The following MICU3 variants were observed in gnomAD, a reference collection of about 807,000 sequenced individuals.
The protein encoded by MICU3 is mitochondrial calcium uptake 3.
In MICU3, 62 loss-of-function variants were observed where a neutral mutation model predicts 66.5. That is an observed-to-expected ratio of 0.93 (90% CI 0.76 to 1.15). MICU3 has a LOEUF of 1.15. Ranked by LOEUF, MICU3 falls within the 50% of genes most tolerant of loss-of-function variation. The probability of loss-of-function intolerance (pLI) is 0.00; values close to 1 mark genes in which losing one functional copy is unlikely to be tolerated. For missense variants in MICU3, 779 were observed against 664.4 expected, an observed-to-expected ratio of 1.17 and a Z score of -1.90; for synonymous variants, 308 against 240.7, an observed-to-expected ratio of 1.28 and a Z score of -2.59.
chr8:17,112,018 T>C (rs2150827650), intron 11 of MICU3, among the ~76,000 whole-genome samples: 1 of 152,166 alleles, frequency 6.6e-6, no homozygotes. Context: ...TATAAGACCA[T>C]CAGATCTCAT....
At position 17,085,278 on chromosome 8, in the gene MICU3, C is replaced by T; in HGVS notation, c.737C>T (p.Thr246Ile). The T allele has an allele frequency of 6.2e-7, 1 of 1,611,160 alleles. No individual in the cohort carries two copies. The highest frequency in any genetic ancestry group is 2.2e-5 in the East Asian group (1 of 44,720). ...GFRIAFNMFD[T>I]DGNEMVDKKE... ...AGAATAGCTTTCAACATGTTTGACA[C>T]TGATGGCAATGAGATGGTGGATAAA... Residue 246 changes from threonine (T) to isoleucine (I), a missense_variant, in exon 6 of 15, where the codon ACT becomes ATT. Coordinates refer to ENST00000318063, the MANE Select transcript of MICU3 (RefSeq NM_181723.3).
At chr8:17,128,086 G>A in the MICU3 span, among the ~76,000 whole-genome samples, 23 of 152,088 alleles carry the variant, frequency 1.5e-4, no homozygotes, top group Admixed American at 1.1e-3. Context: ...GGAGAGGAGA[G>A]ATTGCCCTGA....
At chr8:17,074,603 G>A (rs868655808) in intron 3 of MICU3, among the ~76,000 whole-genome samples, 11,181 of 150,724 alleles carry the variant, frequency 0.074, 1,426 homozygotes, top group African/African-American at 0.26. Flanking sequence ...GTGTGTGTGT[G>A]TGTGTGTGTG....
At chr8:17,075,334 C>T (rs1820219254) in intron 3 of MICU3, among the ~76,000 whole-genome samples, 1 of 152,288 alleles carries the variant, frequency 6.6e-6, no homozygotes, top group Admixed American at 6.5e-5. Context: ...TGTAGCCTCT[C>T]TCTTCTCCCC....
At chr8:17,128,111 A>G in the MICU3 span, among the ~76,000 whole-genome samples, 2 of 152,082 alleles carry the variant, frequency 1.3e-5, no homozygotes, top group East Asian at 3.9e-4. Context: ...AGAGTTCTCT[A>G]CTGACAGTGT....
rs566725129 is a variant in MICU3 at position 17,032,518 on chromosome 8, G to C, written c.381+4858G>C. Among the ~76,000 whole-genome samples the C allele has an allele frequency of 3.3e-5, 5 of 152,266 alleles. No individual in the cohort carries two copies. The East Asian group carries it at 7.7e-4, about 24-fold the overall frequency. The stretch of plus-strand genomic sequence containing the variant: ...CAACATATTTGAGTATTACTGTGGA[G>C]TGGAAAACTAGTTAGACAAATTTTT... On this transcript the variant is annotated intron_variant, in intron 1 of 14. Coordinates refer to ENST00000318063, the MANE Select transcript of MICU3 (RefSeq NM_181723.3).
intron 1 of MICU3, among the ~76,000 whole-genome samples, chr8:17,054,476 T>G (rs964461898): frequency 1.2e-4 from 18 of 152,294 alleles, no homozygotes; most frequent in African/African-American, 4.1e-4. Flanking sequence ...TTACATACTT[T>G]GAGTATAGCA....
chr8:17,130,383 C>T, the MICU3 span, among the ~76,000 whole-genome samples: 32 of 151,902 alleles, frequency 2.1e-4, no homozygotes, highest in African/African-American at 7.2e-4. Flanking sequence ...ATTAGCCGGG[C>T]GTGGTGGCGC....
At chr8:17,097,224 T>G (rs1461262617) in intron 8 of MICU3, among the ~76,000 whole-genome samples, 1 of 151,746 alleles carries the variant, frequency 6.6e-6, no homozygotes, top group Non-Finnish European at 1.5e-5. Flanking sequence ...CTAGCTAGTA[T>G]TTATTGAGGT....
At chr8:17,034,454 G>C (rs553442329) in intron 1 of MICU3, among the ~76,000 whole-genome samples, 16 of 152,326 alleles carry the variant, frequency 1.1e-4, no homozygotes, top group South Asian at 2.1e-4. Flanking sequence ...AACACATTTT[G>C]TAAGGCTATA....
chr8:17,036,161 T>C (rs1812942764), intron 1 of MICU3, among the ~76,000 whole-genome samples: 1 of 152,108 alleles, frequency 6.6e-6, no homozygotes, highest in Non-Finnish European at 1.5e-5. Context: ...TCTCGCTGGC[T>C]CAAGAGTGAA....
At chr8:17,073,936 A>G (rs1000294024) in intron 3 of MICU3, among the ~76,000 whole-genome samples, 20 of 152,332 alleles carry the variant, frequency 1.3e-4, no homozygotes, top group African/African-American at 4.6e-4. Flanking sequence ...TTAAAGTGCA[A>G]ATACCTTTTC....
chr8:17,100,560 T>C (rs934423421), intron 9 of MICU3, among the ~76,000 whole-genome samples: 7 of 151,836 alleles, frequency 4.6e-5, no homozygotes, highest in East Asian at 1.9e-4. Context: ...AGGATTCAAA[T>C]TGGTTCAGAA....
At chr8:17,123,075 A>G (rs1244010478), downstream of MICU3, among the ~76,000 whole-genome samples, 1 of 152,092 alleles carries the variant, frequency 6.6e-6, no homozygotes, top group African/African-American at 2.4e-5. Flanking sequence ...TAAAAATATG[A>G]ATTCCATAAT....
intron 5 of MICU3, 139 bp from the exon 6 acceptor site, chr8:17,085,097 C>T (rs1207732674): frequency 4.3e-6 from 2 of 468,868 alleles, no homozygotes; most frequent in South Asian, 5.7e-5. Context: ...AATTATAAAG[C>T]AGAAATATAT....
intron 4 of MICU3, among the ~76,000 whole-genome samples, chr8:17,080,179 C>A (rs553049372): frequency 6.6e-6 from 1 of 151,756 alleles, no homozygotes; most frequent in East Asian, 1.9e-4. Context: ...TAAAAATATA[C>A]CGTTCATCTT....
the MICU3 span, among the ~76,000 whole-genome samples, chr8:17,138,083 A>G: frequency 6.6e-6 from 1 of 152,038 alleles, no homozygotes; most frequent in Non-Finnish European, 1.5e-5. Context: ...AGGAAGGAAT[A>G]TTAAGATGGT....
chr8:17,086,422 C>G (rs1291012091), intron 6 of MICU3, among the ~76,000 whole-genome samples: 1 of 152,098 alleles, frequency 6.6e-6, no homozygotes, highest in African/African-American at 2.4e-5. Flanking sequence ...CGTGTAGTCC[C>G]TGAGCCAAGC....
intron 7 of MICU3, among the ~76,000 whole-genome samples, chr8:17,090,338 T>C (rs1799917538): frequency 6.6e-6 from 1 of 152,144 alleles, no homozygotes; most frequent in Non-Finnish European, 1.5e-5. Flanking sequence ...ATTCATTTAA[T>C]GTTTAATTAT....
Sources: allele counts gnomAD v4.1 joint callset (sites outside exome capture counted in the v4.1 genomes callset), GRCh38; gene constraint gnomAD v4.1.1; transcripts MANE v1.5; gene names NCBI Gene and HGNC (gene_info 2026-07-23, HGNC 2026-07-21).